KPNA4: variants seen among roughly 807,000 people sequenced by gnomAD.
KPNA4 encodes importin subunit alpha-3.
In KPNA4, 13 loss-of-function variants were observed where a neutral mutation model predicts 71.3. The observed-to-expected ratio is 0.18, with a 90% CI of 0.12 to 0.29. The LOEUF (loss-of-function observed/expected upper bound fraction) is 0.29. Ranked by LOEUF, KPNA4 falls within the 10% of genes least tolerant of loss-of-function variation. KPNA4 has a pLI of 1.00. For synonymous variants in KPNA4, 189 were observed against 195.2 expected (o/e 0.97, Z 0.26); for missense variants, 334 against 603.2 (o/e 0.55, Z 4.67).
At chr3:160,508,713 T>C (rs1002555839) in intron 14 of KPNA4, among the ~76,000 whole-genome samples, 2 of 151,646 alleles carry the variant, frequency 1.3e-5, no homozygotes, top group Non-Finnish European at 2.9e-5. Context: ...GAGACGGGGG[T>C]CTCACTATGT....
At chr3:160,522,444 T>C (rs1425364680) in intron 10 of KPNA4, among the ~76,000 whole-genome samples, 1 of 152,180 alleles carries the variant, frequency 6.6e-6, no homozygotes, top group African/African-American at 2.4e-5. Context: ...TGTTTTGCCT[T>C]ACAGAACTGG....
chr3:160,564,958 G>GCGCCGGGCCGGCTC (rs1722313480), intron 1 of KPNA4, among the ~76,000 whole-genome samples: 4 of 146,224 alleles, frequency 2.7e-5, no homozygotes, highest in African/African-American at 7.4e-5. Context: ...CCTCGCACCC[G>GCGCCGGGCCGGCTC]CGCCGGGCCG....
chr3:160,541,472 TA>T (rs1721795180), intron 1 of KPNA4, among the ~76,000 whole-genome samples: 1 of 151,992 alleles, frequency 6.6e-6, no homozygotes, highest in Non-Finnish European at 1.5e-5. Context: ...AAATAAGAAT[TA>T]AAAAATTTGT....
chr3:160,533,715 T>C (rs1206368615), intron 5 of KPNA4, among the ~76,000 whole-genome samples: 3 of 152,302 alleles, frequency 2.0e-5, no homozygotes, highest in East Asian at 3.9e-4. Flanking sequence ...AATACCAGTG[T>C]AAACATTAAC....
chr3:160,513,513 C>T (rs1329389786), intron 13 of KPNA4, among the ~76,000 whole-genome samples: 1 of 152,114 alleles, frequency 6.6e-6, no homozygotes, highest in Non-Finnish European at 1.5e-5. Context: ...GATCCTCCTG[C>T]TTTGGCCTCC....
At chr3:160,522,421 T>C (rs536252697) in intron 10 of KPNA4, among the ~76,000 whole-genome samples, 2 of 152,362 alleles carry the variant, frequency 1.3e-5, no homozygotes, top group South Asian at 4.1e-4. Context: ...ACTTTAATCT[T>C]TTCCAACCAG....
chr3:160,557,836 A>G (rs997797514), intron 1 of KPNA4, among the ~76,000 whole-genome samples: 1 of 151,844 alleles, frequency 6.6e-6, no homozygotes, highest in Non-Finnish European at 1.5e-5. Context: ...CACCACATCC[A>G]GCTAAATTTT....
chr3:160,553,293 G>A (rs1577063035), intron 1 of KPNA4, among the ~76,000 whole-genome samples: 1 of 152,210 alleles, frequency 6.6e-6, no homozygotes, highest in Non-Finnish European at 1.5e-5. Context: ...GGTAGTGGGA[G>A]TTGGGAAGAA....
At chr3:160,529,371 A>T (rs1429446025) in intron 7 of KPNA4, among the ~76,000 whole-genome samples, 3 of 10,418 alleles carry the variant, frequency 2.9e-4, no homozygotes, top group Non-Finnish European at 5.0e-4. Context: ...AAACATTGTT[A>T]TGAAACCAAA....
chr3:160,502,899 T>G (rs538843172), intron 16 of KPNA4, among the ~76,000 whole-genome samples: 5 of 152,082 alleles, frequency 3.3e-5, no homozygotes, highest in African/African-American at 1.2e-4. Context: ...TCACCTGAGG[T>G]CAGGAGTTCA....
At chr3:160,547,731 C>T (rs896257120) in intron 1 of KPNA4, among the ~76,000 whole-genome samples, 2 of 152,190 alleles carry the variant, frequency 1.3e-5, no homozygotes, top group African/African-American at 4.8e-5. Flanking sequence ...CTCCCTCACC[C>T]TCAACCCCTG....
chr3:160,504,168 AAGTAAATAGTCTAT>A (rs1280746905), intron 16 of KPNA4, among the ~76,000 whole-genome samples: 1 of 152,236 alleles, frequency 6.6e-6, no homozygotes, highest in Non-Finnish European at 1.5e-5. Context: ...AAACAACTGT[AAGTAAATAGTCTAT>A]AATTTTCTTT....
intron 1 of KPNA4, among the ~76,000 whole-genome samples, chr3:160,546,049 T>C (rs565530849): frequency 6.6e-6 from 1 of 151,278 alleles, no homozygotes; most frequent in African/African-American, 2.4e-5. Context: ...CTGTTGAATC[T>C]TGAGTTCAAG....
intron 1 of KPNA4, among the ~76,000 whole-genome samples, chr3:160,559,284 G>C (rs1248332902): frequency 6.6e-6 from 1 of 150,442 alleles, no homozygotes; most frequent in Non-Finnish European, 1.5e-5. Flanking sequence ...GGTAAAAAAA[G>C]AAAAAAAAAT....
intron 1 of KPNA4, among the ~76,000 whole-genome samples, chr3:160,563,312 T>G (rs1722281106): frequency 6.6e-6 from 1 of 152,170 alleles, no homozygotes; most frequent in African/African-American, 2.4e-5. Flanking sequence ...TACAATTCCA[T>G]TTATATGGGA....
intron 1 of KPNA4, among the ~76,000 whole-genome samples, chr3:160,552,983 TTTATTA>T (rs981058521): frequency 3.9e-5 from 6 of 151,990 alleles, no homozygotes; most frequent in African/African-American, 1.2e-4. Context: ...ATTGATTTAC[TTTATTA>T]TTATTATTAT....
Sources: gnomAD v4.1 joint callset for allele counts (sites outside exome capture counted in the v4.1 genomes callset) on GRCh38, gnomAD v4.1.1 for gene constraint, MANE v1.5 for transcripts, NCBI Gene and HGNC (gene_info 2026-07-23, HGNC 2026-07-21) for gene names.